NPAS3: variants seen among roughly 807,000 people sequenced by gnomAD.
NPAS3 encodes the protein neuronal PAS domain-containing protein 3.
In NPAS3, 14 loss-of-function variants were observed where a neutral mutation model predicts 73.1. The observed-to-expected ratio is 0.19, with a 90% CI of 0.13 to 0.30. The LOEUF is 0.30. Ranked by LOEUF, NPAS3 falls within the 10% of genes least tolerant of loss-of-function variation. The pLI is 1.00. For missense variants in NPAS3, 1,096 were observed against 1,250.0 expected (o/e 0.88, Z 1.86); for synonymous variants, 620 against 541.5 (o/e 1.14, Z -2.01).
At chr14:33,102,160 G>A (rs2042596022) in intron 2 of NPAS3, among the ~76,000 whole-genome samples, 2 of 151,990 alleles carry the variant, frequency 1.3e-5, no homozygotes, top group African/African-American at 4.8e-5. Flanking sequence ...TCTTCATATG[G>A]TCACCTGCCG....
intron 3 of NPAS3, among the ~76,000 whole-genome samples, chr14:33,247,297 C>T (rs17100443): frequency 1.3e-5 from 2 of 152,110 alleles, no homozygotes; most frequent in Non-Finnish European, 2.9e-5. Flanking sequence ...GATTTTGACT[C>T]TTTGGGGAAA....
rs192223614 is a variant in NPAS3, at chr14:33,567,928, G to C, written c.558+7718G>C. ...TCCAGACAGTGAGGCTAAAACACAG[G>C]AAGTTTGTGCACAGCGAGCTGTTCT... is the stretch of plus-strand genomic sequence containing the variant. On this transcript the variant is annotated intron_variant, in intron 5 of 11. Transcript: ENST00000356141. Among the ~76,000 whole-genome samples, 1,008 of 152,306 alleles carry C rather than the reference G, an allele frequency of 6.6e-3. 27 individuals carry two copies. Among genetic ancestry groups the C allele is most frequent in the Middle Eastern group, 0.01 (3 of 294 alleles).
intron 4 of NPAS3, among the ~76,000 whole-genome samples, chr14:33,535,468 G>T (rs1444084865): frequency 1.3e-5 from 2 of 152,108 alleles, no homozygotes; most frequent in East Asian, 3.9e-4. Context: ...TGTAGAGTAT[G>T]CCTTTTTAAA....
chr14:33,304,225 C>A (rs976281700), intron 3 of NPAS3, among the ~76,000 whole-genome samples: 10 of 152,162 alleles, frequency 6.6e-5, no homozygotes, highest in African/African-American at 2.4e-4. Flanking sequence ...TAATGTGGAA[C>A]TTGAAGTTGA....
chr14:33,225,535 G>T (rs778048293), intron 3 of NPAS3, among the ~76,000 whole-genome samples: 7 of 152,190 alleles, frequency 4.6e-5, no homozygotes, highest in Non-Finnish European at 2.9e-5. Context: ...TGCTGCAACT[G>T]CTCAGCCCTA....
At chr14:33,661,136 C>G (rs1328898236) in intron 5 of NPAS3, among the ~76,000 whole-genome samples, 4 of 148,892 alleles carry the variant, frequency 2.7e-5, no homozygotes. Flanking sequence ...AACTGTCTAT[C>G]ATGTGATGAA....
chr14:33,442,373 G>C (rs143278795), intron 4 of NPAS3, among the ~76,000 whole-genome samples: 2 of 151,844 alleles, frequency 1.3e-5, no homozygotes, highest in South Asian at 4.2e-4. Flanking sequence ...GAGCCCAGGG[G>C]TTGGAATCCA....
At chr14:33,337,519 T>A (rs1045644955) in intron 3 of NPAS3, among the ~76,000 whole-genome samples, 3 of 152,072 alleles carry the variant, frequency 2.0e-5, no homozygotes, top group African/African-American at 7.2e-5. Flanking sequence ...AATCAGGTAG[T>A]GTAAGTCCTA....
intron 2 of NPAS3, among the ~76,000 whole-genome samples, chr14:33,094,158 C>G (rs1421702707): frequency 6.6e-6 from 1 of 151,956 alleles, no homozygotes; most frequent in Admixed American, 6.6e-5. Context: ...TAGTCATCCT[C>G]CTTTAGAAAC....
intron 4 of NPAS3, among the ~76,000 whole-genome samples, chr14:33,477,213 T>C (rs1333250622): frequency 6.6e-6 from 1 of 152,120 alleles, no homozygotes; most frequent in Admixed American, 6.5e-5. Flanking sequence ...GTGATGGGGG[T>C]AGGGGTGGAA....
At chr14:33,673,491 A>G (rs2059669171) in intron 5 of NPAS3, among the ~76,000 whole-genome samples, 1 of 152,260 alleles carries the variant, frequency 6.6e-6, no homozygotes, top group Admixed American at 6.5e-5. Context: ...AAAGTGGGAC[A>G]CAAAATTACA....
rs2383465 is a variant in NPAS3 at position 33,346,306 on chromosome 14, A to G, written c.386-20880A>G. ...CACTTTGGGAGGCCAAGGTGGGGGG[A>G]TTGTTTGAAGCTCAAGTTCCAGACC... On this transcript the variant is annotated intron_variant, in intron 3 of 11. Transcript: ENST00000356141. 2.1e-3 allele frequency among the ~76,000 whole-genome samples: 306 copies of G among 148,162 alleles called. 1 individual carries two copies. Among genetic ancestry groups the G allele is most frequent in the African/African-American group, 7.1e-3 (285 of 40,234 alleles).
chr14:33,547,032 A>C (rs2054878242), intron 4 of NPAS3, among the ~76,000 whole-genome samples: 2 of 152,200 alleles, frequency 1.3e-5, no homozygotes. Flanking sequence ...CAAATGTCTT[A>C]AGCAAGTATA....
chr14:33,299,091 T>C (rs747630434), intron 3 of NPAS3, among the ~76,000 whole-genome samples: 1 of 152,186 alleles, frequency 6.6e-6, no homozygotes, highest in Non-Finnish European at 1.5e-5. Flanking sequence ...AGGCCCCAAA[T>C]AGAGTTTCTG....
intron 4 of NPAS3, among the ~76,000 whole-genome samples, chr14:33,398,157 A>G (rs1397665064): frequency 6.6e-6 from 1 of 152,050 alleles, no homozygotes; most frequent in Non-Finnish European, 1.5e-5. Context: ...CTGATTATCC[A>G]GTTGTTTTGG....
intron 5 of NPAS3, among the ~76,000 whole-genome samples, chr14:33,566,081 A>T (rs2055916528): frequency 6.6e-6 from 1 of 152,156 alleles, no homozygotes; most frequent in African/African-American, 2.4e-5. Context: ...TTGAGAAAAT[A>T]TAAGTATCAA....
At chr14:33,702,302 G>C (rs541459414) in intron 6 of NPAS3, among the ~76,000 whole-genome samples, 1 of 152,328 alleles carries the variant, frequency 6.6e-6, no homozygotes, top group South Asian at 2.1e-4. Context: ...ATTGGTGGGA[G>C]AGTGGCTTTC....
chr14:33,739,429 C>T (rs2061602073), intron 7 of NPAS3, among the ~76,000 whole-genome samples: 1 of 152,168 alleles, frequency 6.6e-6, no homozygotes, highest in South Asian at 2.1e-4. Flanking sequence ...CGCTCATATA[C>T]TCTAGCTTTA....
intron 6 of NPAS3, among the ~76,000 whole-genome samples, chr14:33,707,741 G>A (rs974174973): frequency 5.9e-5 from 9 of 152,148 alleles, no homozygotes; most frequent in Admixed American, 4.6e-4. Context: ...AAGACATCAA[G>A]GCAAATTATC....
Sources: gnomAD v4.1 joint callset for allele counts (sites outside exome capture counted in the v4.1 genomes callset) on GRCh38, gnomAD v4.1.1 for gene constraint, MANE v1.5 for transcripts, NCBI Gene and HGNC (gene_info 2026-07-23, HGNC 2026-07-21) for gene names.